Variants in RBFOX2 observed in about 807,000 individuals in gnomAD.
The protein encoded by RBFOX2 is RNA binding protein fox-1 homolog 2.
Under a neutral mutation model 49.1 loss-of-function variants are expected in RBFOX2, and 10 were observed. That is an observed-to-expected ratio of 0.20 (90% CI 0.13 to 0.35). The LOEUF is 0.35. Ranked by LOEUF, RBFOX2 falls within the 10% of genes least tolerant of loss-of-function variation. The pLI is 1.00. For missense variants in RBFOX2, 323 were observed against 486.9 expected (o/e 0.66, Z 3.17); for synonymous variants, 183 against 187.4 (o/e 0.98, Z 0.19).
rs535122601 is a variant in RBFOX2, at chr22:35,954,810, C to T, written c.42+6753G>A. ...CTAGTAAGGGAAAGAGGCATGTAAA[C>T]AAATACAATATGAACCATGTAATAA... On this transcript the variant is annotated intron_variant, in intron 1 of 5. Transcript: ENST00000408983. 3.1e-4 allele frequency among the ~76,000 whole-genome samples: 47 copies of T among 152,074 alleles called. No individual in the cohort carries two copies. In the South Asian group the frequency reaches 3.5e-3, roughly 11 times the overall value.
intron 1 of RBFOX2, chr22:35,822,697 C>A (rs960746434): frequency 1.6e-5 from 6 of 374,890 alleles, no homozygotes; most frequent in South Asian, 1.3e-4. Flanking sequence ...CTCTCCATCC[C>A]CCTAAATATG....
At chr22:35,847,419 G>A (rs1369054317) in intron 1 of RBFOX2, among the ~76,000 whole-genome samples, 1 of 152,054 alleles carries the variant, frequency 6.6e-6, no homozygotes, top group African/African-American at 2.4e-5. Flanking sequence ...CCTCCATAAC[G>A]TCCAACTGTA....
intron 1 of RBFOX2, among the ~76,000 whole-genome samples, chr22:35,838,466 T>C (rs564320212): frequency 3.0e-4 from 46 of 152,098 alleles, no homozygotes; most frequent in Non-Finnish European, 6.0e-4. Flanking sequence ...TCTAGATCCA[T>C]TGAGACAAGT....
chr22:35,972,090 C>T (rs1206568011), intron 1 of RBFOX2, among the ~76,000 whole-genome samples: 1 of 151,942 alleles, frequency 6.6e-6, no homozygotes, highest in African/African-American at 2.4e-5. Flanking sequence ...CATATAAGAA[C>T]ATAAAGCATT....
chr22:35,829,911 C>T (rs933455225), intron 1 of RBFOX2, among the ~76,000 whole-genome samples: 1 of 152,104 alleles, frequency 6.6e-6, no homozygotes, highest in Non-Finnish European at 1.5e-5. Context: ...TGCCATTTAC[C>T]GTCATACACC....
chr22:35,941,876 A>G (rs931165719), upstream of RBFOX2, among the ~76,000 whole-genome samples: 1 of 152,114 alleles, frequency 6.6e-6, no homozygotes, highest in African/African-American at 2.4e-5. Flanking sequence ...TTTATTTCCT[A>G]CCTCTCAGAT....
chr22:35,934,620 T>G (rs1034754964), intron 1 of RBFOX2, among the ~76,000 whole-genome samples: 5 of 152,196 alleles, frequency 3.3e-5, no homozygotes, highest in African/African-American at 9.7e-5. Flanking sequence ...TTAGGAGCCT[T>G]AGGACCCCCA....
At chr22:35,834,948 A>C (rs1178712545) in intron 1 of RBFOX2, among the ~76,000 whole-genome samples, 1 of 152,170 alleles carries the variant, frequency 6.6e-6, no homozygotes, top group African/African-American at 2.4e-5. Flanking sequence ...TCCTGAATTT[A>C]ATCATTCTAA....
intron 1 of RBFOX2, among the ~76,000 whole-genome samples, chr22:35,880,133 C>T (rs751957452): frequency 3.4e-5 from 5 of 149,248 alleles, no homozygotes; most frequent in Non-Finnish European, 3.0e-5. Context: ...GCAGCCTGGG[C>T]GACAGAGCGA....
chr22:35,907,297 A>G (rs1603445081), intron 1 of RBFOX2, among the ~76,000 whole-genome samples: 1 of 152,272 alleles, frequency 6.6e-6, no homozygotes, highest in African/African-American at 2.4e-5. Context: ...CTAATGAGAT[A>G]TAAGCAGAAA....
intron 1 of RBFOX2, among the ~76,000 whole-genome samples, chr22:35,986,221 A>AC (rs1424683823): frequency 6.6e-6 from 1 of 152,170 alleles, no homozygotes; most frequent in Non-Finnish European, 1.5e-5. Flanking sequence ...CCCACATAGC[A>AC]CAAAGCAAGG....
intron 1 of RBFOX2, among the ~76,000 whole-genome samples, chr22:35,827,030 ACAGT>A (rs1483163496): frequency 6.6e-6 from 1 of 152,246 alleles, no homozygotes; most frequent in Non-Finnish European, 1.5e-5. Flanking sequence ...TTAGCGAACA[ACAGT>A]CAGGTGACCA....
At chr22:35,779,871 C>G (rs1303303737) in intron 3 of RBFOX2, among the ~76,000 whole-genome samples, 1 of 152,160 alleles carries the variant, frequency 6.6e-6, no homozygotes, top group Non-Finnish European at 1.5e-5. Context: ...TAATACATTT[C>G]AAGAAGTCAC....
At chr22:35,853,522 A>G (rs1305547688) in intron 1 of RBFOX2, among the ~76,000 whole-genome samples, 3 of 152,196 alleles carry the variant, frequency 2.0e-5, no homozygotes, top group South Asian at 4.1e-4. Context: ...TAAGTCACAT[A>G]TAAGTTAGAC....
intron 1 of RBFOX2, among the ~76,000 whole-genome samples, chr22:35,925,380 G>A (rs1173287093): frequency 6.6e-6 from 1 of 152,056 alleles, no homozygotes; most frequent in Non-Finnish European, 1.5e-5. Flanking sequence ...TAAAAAATTA[G>A]CTAGGCGTGG....
At chr22:35,880,141 C>T (rs1365289552) in intron 1 of RBFOX2, among the ~76,000 whole-genome samples, 1 of 148,136 alleles carries the variant, frequency 6.8e-6, no homozygotes, top group Non-Finnish European at 1.5e-5. Flanking sequence ...GGCGACAGAG[C>T]GAGACTGAGG....
chr22:35,958,204 C>T (rs1305222413), intron 1 of RBFOX2, among the ~76,000 whole-genome samples: 1 of 152,072 alleles, frequency 6.6e-6, no homozygotes, highest in Non-Finnish European at 1.5e-5. Flanking sequence ...TGCTATTGAA[C>T]ATGATGTTAA....
chr22:35,774,794 G>A (rs935173299), intron 4 of RBFOX2, among the ~76,000 whole-genome samples: 3 of 152,146 alleles, frequency 2.0e-5, no homozygotes, highest in African/African-American at 7.2e-5. Flanking sequence ...GTTTTCAAAT[G>A]GGTATATCCT....
chr22:35,927,775 T>A lies in RBFOX2; in HGVS notation c.-34+11072A>T, dbSNP rs758740216. Among the ~76,000 whole-genome samples the A allele has an allele frequency of 6.1e-4, 93 of 152,302 alleles. 1 individual carries two copies. Among genetic ancestry groups the A allele is most frequent in the Admixed American group, 3.3e-3 (51 of 15,296 alleles). On this transcript the variant is annotated intron_variant, in intron 1 of 13. Coordinates refer to the RBFOX2 transcript ENST00000359369. ...CAAAAATGACTCCCTCTTATACGCA[T>A]GCTGCCAAGACCCAAGAGTCAGGTA...
Sources: allele counts gnomAD v4.1 joint callset (sites outside exome capture counted in the v4.1 genomes callset), GRCh38; gene constraint gnomAD v4.1.1; transcripts MANE v1.5; gene names NCBI Gene and HGNC (gene_info 2026-07-23, HGNC 2026-07-21).